Variants in RABGEF1 observed in about 807,000 individuals in gnomAD.
RABGEF1 encodes the protein RAB guanine nucleotide exchange factor 1.
In RABGEF1, 26 loss-of-function variants were observed where a neutral mutation model predicts 57.3. The observed-to-expected ratio is 0.45, with a 90% confidence interval of 0.33 to 0.63. The LOEUF (loss-of-function observed/expected upper bound fraction) is 0.63, where lower values mean the gene tolerates loss of function less well. Ranked by LOEUF, RABGEF1 falls within the 20% of genes least tolerant of loss-of-function variation. The pLI is 0.02. For synonymous variants in RABGEF1, 185 were observed against 210.7 expected (o/e 0.88, Z 1.06); for missense variants, 464 against 607.6 (o/e 0.76, Z 2.48).
At chr7:66,774,960 A>C (rs573896131) in intron 2 of RABGEF1, among the ~76,000 whole-genome samples, 3 of 152,036 alleles carry the variant, frequency 2.0e-5, no homozygotes, top group Non-Finnish European at 4.4e-5. Flanking sequence ...TCCAGCCTTG[A>C]GCTTGTTAGG....
the RABGEF1 span, among the ~76,000 whole-genome samples, chr7:66,659,719 C>T: frequency 6.6e-6 from 1 of 151,320 alleles, no homozygotes; most frequent in South Asian, 2.1e-4. Context: ...GTTGAGGCTG[C>T]AGTGAGCCGA....
the RABGEF1 span, among the ~76,000 whole-genome samples, chr7:66,657,291 C>G: frequency 2.0e-5 from 3 of 152,240 alleles, no homozygotes; most frequent in African/African-American, 7.2e-5. Flanking sequence ...ATGCAAAATA[C>G]TAAGTATTTT....
intron 4 of RABGEF1, among the ~76,000 whole-genome samples, chr7:66,791,806 A>G (rs1033179594): frequency 2.0e-5 from 3 of 152,184 alleles, no homozygotes; most frequent in Non-Finnish European, 2.9e-5. Flanking sequence ...TAAAACGACA[A>G]CTTTACTCAG....
chr7:66,707,326 T>G (rs773750717), intron 1 of RABGEF1, among the ~76,000 whole-genome samples: 1 of 152,224 alleles, frequency 6.6e-6, no homozygotes, highest in African/African-American at 2.4e-5. Flanking sequence ...GGATGTTCTA[T>G]AGATGTTCGT....
chr7:66,736,109 G>A (rs117148331), upstream of RABGEF1, among the ~76,000 whole-genome samples: 2,225 of 152,186 alleles, frequency 0.015, 62 homozygotes, highest in East Asian at 0.094. Flanking sequence ...AAAAAAACAA[G>A]ACAAAAAACA....
At chr7:66,694,214 C>T (rs2707838) in intron 1 of RABGEF1, among the ~76,000 whole-genome samples, 15,693 of 152,236 alleles carry the variant, frequency 0.1, 987 homozygotes, top group South Asian at 0.2. Flanking sequence ...CGGGGGACAC[C>T]GTGGGGCAGC....
chr7:66,760,555 T>C (rs1163680166), intron 1 of RABGEF1, among the ~76,000 whole-genome samples: 1 of 151,792 alleles, frequency 6.6e-6, no homozygotes, highest in Non-Finnish European at 1.5e-5. Context: ...GTGATTCTCC[T>C]GCCTCAGCCT....
chr7:66,705,943 C>T (rs1346299612), intron 1 of RABGEF1, among the ~76,000 whole-genome samples: 7 of 127,186 alleles, frequency 5.5e-5, no homozygotes, highest in South Asian at 2.8e-4. Flanking sequence ...TCGCCCAGGC[C>T]GGACTGCGGG....
intron 1 of RABGEF1, among the ~76,000 whole-genome samples, chr7:66,707,680 TC>T (rs998756041): frequency 6.6e-6 from 1 of 152,182 alleles, no homozygotes; most frequent in Non-Finnish European, 1.5e-5. Context: ...AGAGCAAGAC[TC>T]CATCTCAACA....
At position 66,810,517 on chromosome 7, in the gene RABGEF1, C is replaced by G. The variant is rs1441578153; in HGVS notation, c.*1233C>G. 2 of 152,168 alleles carry G rather than the reference C, an allele frequency of 1.3e-5. No individual in the cohort carries two copies. Among genetic ancestry groups the G allele is most frequent in the East Asian group, 3.8e-4 (2 of 5,196 alleles). 9.4% of individuals were successfully genotyped at this position (152,168 alleles called of 1,614,324 possible). On this transcript the variant is annotated 3_prime_UTR_variant, in exon 9 of 9. Coordinates refer to ENST00000284957, the MANE Select transcript of RABGEF1 (RefSeq NM_014504.3). ...CCTCCTGGTGGTTAATATGGTGTAACCAAAGAATCTTGCACTCAATGCACA... is the reference window on the plus strand; with the variant it reads ...CCTCCTGGTGGTTAATATGGTGTAAGCAAAGAATCTTGCACTCAATGCACA...
Position 66,778,002 on chromosome 7 carries a change from TAGAAA to T in RABGEF1, c.346+2614_346+2618del, listed in dbSNP as rs562716902. Among the ~76,000 whole-genome samples, 224 of 152,218 alleles carry T rather than the reference TAGAAA, an allele frequency of 1.5e-3. 2 individuals are homozygous for T. Among genetic ancestry groups the T allele is most frequent in the Non-Finnish European group, 2.1e-3 (145 of 68,044 alleles). On this transcript the variant is annotated intron_variant, in intron 3 of 8. Transcript: ENST00000284957. ...CTTAAAGTATTTTAAAAATTCATGT[TAGAAA>T]AGAAGATTCCATTGTATCTTTGTTT...
chr7:66,806,767 C>A (rs781402721), intron 8 of RABGEF1, among the ~76,000 whole-genome samples: 1 of 151,524 alleles, frequency 6.6e-6, no homozygotes, highest in Non-Finnish European at 1.5e-5. Context: ...CCTTAGCCTC[C>A]CAAGTAGCTG....
At chr7:66,794,234 CTTA>C (rs1170744955) in intron 4 of RABGEF1, among the ~76,000 whole-genome samples, 16 of 66,312 alleles carry the variant, frequency 2.4e-4, no homozygotes, top group African/African-American at 7.1e-4. Context: ...TTTTTTTTTA[CTTA>C]TTATTGTTAA....
the RABGEF1 span, among the ~76,000 whole-genome samples, chr7:66,675,678 C>T: frequency 2.6e-5 from 4 of 151,996 alleles, no homozygotes; most frequent in South Asian, 2.1e-4. Context: ...TGTAGAAAAC[C>T]GTAAGGATCC....
upstream of RABGEF1, among the ~76,000 whole-genome samples, chr7:66,677,761 C>CA (rs35401177): frequency 0.05 from 3,333 of 67,174 alleles, 70 homozygotes; most frequent in African/African-American, 0.059. Flanking sequence ...GACTCCGTCT[C>CA]AAAAAAAAAA....
chr7:66,694,879 G>T (rs1792088176), intron 1 of RABGEF1, among the ~76,000 whole-genome samples: 1 of 152,220 alleles, frequency 6.6e-6, no homozygotes, highest in Admixed American at 6.5e-5. Flanking sequence ...GGACTTAGGG[G>T]TGTGTGGGCC....
rs1391601857 is a variant in RABGEF1 at position 66,809,335 on chromosome 7, T to C, written c.*51T>C. The C allele has an allele frequency of 6.6e-7, 1 of 1,522,086 alleles. No homozygotes were observed. Among genetic ancestry groups the C allele is most frequent in the Non-Finnish European group, 8.9e-7 (1 of 1,126,708 alleles). 94.3% of individuals were successfully genotyped at this position (1,522,086 alleles called of 1,614,324 possible). On this transcript the variant is annotated 3_prime_UTR_variant, in exon 9 of 9. Transcript: ENST00000284957. ...TTGAGCCTAAATTGTAGGTAGCCCT[T>C]ACTACACTCAACTGATTGGGATCTA...
intron 2 of RABGEF1, among the ~76,000 whole-genome samples, chr7:66,727,867 G>A (rs973071567): frequency 3.9e-5 from 6 of 152,136 alleles, no homozygotes; most frequent in African/African-American, 7.2e-5. Context: ...GATTCCCAGC[G>A]GCTGCCTTGG....
At chr7:66,677,565 A>T (rs1175851642), upstream of RABGEF1, among the ~76,000 whole-genome samples, 10 of 152,134 alleles carry the variant, frequency 6.6e-5, no homozygotes, top group Admixed American at 5.9e-4. Context: ...GATCGAGACC[A>T]TCCTGGCTAA....
Sources: allele counts gnomAD v4.1 joint callset (sites outside exome capture counted in the v4.1 genomes callset), GRCh38; gene constraint gnomAD v4.1.1; transcripts MANE v1.5; gene names NCBI Gene and HGNC (gene_info 2026-07-23, HGNC 2026-07-21).